KIRREL3: variants seen among roughly 807,000 people sequenced by gnomAD.
The protein encoded by KIRREL3 is kin of IRRE-like protein 3.
A neutral mutation model predicts 89.7 loss-of-function variants in KIRREL3; 36 were observed. That is an observed-to-expected ratio of 0.40 (90% confidence interval 0.31 to 0.53). The LOEUF is 0.53. Ranked by LOEUF, KIRREL3 falls within the 20% of genes least tolerant of loss-of-function variation. The pLI is 0.49. For missense variants in KIRREL3, 864 were observed against 1,056.6 expected (o/e 0.82, Z 2.53); for synonymous variants, 445 against 441.4 (o/e 1.01, Z -0.10).
At chr11:126,743,920 T>G (rs893344231) in intron 1 of KIRREL3, among the ~76,000 whole-genome samples, 1 of 152,208 alleles carries the variant, frequency 6.6e-6, no homozygotes, top group African/African-American at 2.4e-5. Context: ...GCATGTACAG[T>G]GTATACGTTT....
intron 1 of KIRREL3, among the ~76,000 whole-genome samples, chr11:126,745,459 AAAACAAAC>A (rs67307715): frequency 5.0e-5 from 7 of 138,904 alleles, no homozygotes; most frequent in South Asian, 2.3e-4. Flanking sequence ...ATCAAGATGG[AAAACAAAC>A]AAACAAACAA....
chr11:126,921,239 T>C (rs933881807), intron 1 of KIRREL3, among the ~76,000 whole-genome samples: 46 of 152,290 alleles, frequency 3.0e-4, no homozygotes, highest in African/African-American at 1.1e-3. Context: ...AGTTACACCA[T>C]TGGCTTCCCT....
rs34526435 is a variant in KIRREL3 at position 126,785,872 on chromosome 11, CAAAAAAAAAAAAAAAAAA to C, written c.55+214565_55+214582del. Reference sequence around the variant, plus strand: ...CTGGTGACACAGCGAGACTCCGTCTCAAAAAAAAAAAAAAAAAAAAAAAAAAAAAAGCCTACAGAATAC... The same window carrying C: ...CTGGTGACACAGCGAGACTCCGTCTCAAAAAAAAAAAAGCCTACAGAATAC... On this transcript the variant is annotated intron_variant, in intron 1 of 16. Coordinates refer to ENST00000525144, the MANE Select transcript of KIRREL3 (RefSeq NM_032531.4). Among the ~76,000 whole-genome samples the C allele has an allele frequency of 1.3e-4, 5 of 37,788 alleles. 1 individual carries two copies. Among genetic ancestry groups the C allele is most frequent in the Non-Finnish European group, 2.2e-4 (5 of 22,354 alleles). The allele number at this position is 37,788 out of a possible 152,430, so 24.8% of individuals were successfully genotyped here. A position where few individuals can be genotyped will look rare whatever the true frequency, so the allele number is the denominator to read the frequency against.
intron 1 of KIRREL3, among the ~76,000 whole-genome samples, chr11:126,599,066 T>C (rs1348029758): frequency 6.6e-6 from 1 of 152,176 alleles, no homozygotes; most frequent in East Asian, 1.9e-4. Flanking sequence ...ACACAATAGC[T>C]TTTCCTGGCT....
chr11:126,942,867 A>C (rs1948500440), intron 1 of KIRREL3, among the ~76,000 whole-genome samples: 1 of 152,144 alleles, frequency 6.6e-6, no homozygotes, highest in African/African-American at 2.4e-5. Context: ...CTCTCTGAGA[A>C]CCTCAAAACC....
At chr11:126,894,391 A>G (rs1156411944) in intron 1 of KIRREL3, among the ~76,000 whole-genome samples, 1 of 151,776 alleles carries the variant, frequency 6.6e-6, no homozygotes, top group Non-Finnish European at 1.5e-5. Context: ...TAGGCAGCAA[A>G]TGCTTTGAGT....
At chr11:126,440,021 A>G (rs929720398) in intron 11 of KIRREL3, among the ~76,000 whole-genome samples, 4 of 152,080 alleles carry the variant, frequency 2.6e-5, no homozygotes, top group Non-Finnish European at 5.9e-5. Context: ...CATGGACAGT[A>G]AAGGCCACAG....
chr11:126,451,097 CCATGTG>C (rs1565463599), intron 7 of KIRREL3, among the ~76,000 whole-genome samples: 1 of 104,236 alleles, frequency 9.6e-6, no homozygotes, highest in East Asian at 3.3e-4. Context: ...GCATATGTGT[CCATGTG>C]CATGTGTGCA....
intron 1 of KIRREL3, among the ~76,000 whole-genome samples, chr11:126,654,602 C>A (rs902700786): frequency 5.3e-5 from 8 of 152,024 alleles, no homozygotes; most frequent in African/African-American, 1.9e-4. Flanking sequence ...CACCCCAGAG[C>A]ACAGTAACCC....
chr11:126,759,408 A>G (rs1361588850), intron 1 of KIRREL3, among the ~76,000 whole-genome samples: 1 of 152,234 alleles, frequency 6.6e-6, no homozygotes, highest in Non-Finnish European at 1.5e-5. Context: ...GATTACAGGC[A>G]TAAGCCACTG....
intron 1 of KIRREL3, among the ~76,000 whole-genome samples, chr11:126,638,354 T>A (rs1051973794): frequency 1.3e-5 from 2 of 152,216 alleles, no homozygotes; most frequent in African/African-American, 4.8e-5. Flanking sequence ...AAAAACGTAC[T>A]TGTCTGTCCT....
At chr11:126,925,840 G>A (rs910291911) in intron 1 of KIRREL3, among the ~76,000 whole-genome samples, 26 of 152,160 alleles carry the variant, frequency 1.7e-4, no homozygotes, top group Non-Finnish European at 3.2e-4. Context: ...TCCTGCCACC[G>A]CATGTCCCCA....
At position 126,610,288 on chromosome 11, in the gene KIRREL3, C is replaced by T. The variant is rs1028989254; in HGVS notation, c.56-47376G>A. On this transcript the variant is annotated intron_variant, in intron 1 of 16. Coordinates refer to ENST00000525144, the MANE Select transcript of KIRREL3 (RefSeq NM_032531.4). This position sits in a 1 kb window ranked among gnomAD's most constrained non-coding sequence, Gnocchi z 4.6. ...GTATTTTTAATAGAGATGGGGGTTT[C>T]GGCATGTTCGTCAGGCTGGTCTTGA... Among the ~76,000 whole-genome samples, 3 of 152,056 alleles carry T rather than the reference C, an allele frequency of 2.0e-5. No individual in the cohort carries two copies. The highest frequency in any genetic ancestry group is 7.2e-5 in the African/African-American group (3 of 41,400).
At position 126,709,785 on chromosome 11, in the gene KIRREL3, CA is replaced by C. The variant is rs1947685204; in HGVS notation, c.56-146874del. Among the ~76,000 whole-genome samples, 1 of 152,112 alleles carries C rather than the reference CA, an allele frequency of 6.6e-6. No homozygotes were observed. The highest frequency in any genetic ancestry group is 2.1e-4 in the South Asian group (1 of 4,822). On this transcript the variant is annotated intron_variant, in intron 1 of 16. Transcript: ENST00000525144. The surrounding 1 kb of genome is among the most constrained non-coding windows in gnomAD (Gnocchi z 4.0). Reference sequence around the variant, plus strand: ...GAAAATAAGTTTCTGTTGTTTAAGCCACAAGATCGTGGTATTTTGTTACAGC... The same window carrying C: ...GAAAATAAGTTTCTGTTGTTTAAGCCCAAGATCGTGGTATTTTGTTACAGC...
intron 1 of KIRREL3, among the ~76,000 whole-genome samples, chr11:126,680,285 C>CA (rs138173347): frequency 0.013 from 2,026 of 152,114 alleles, 51 homozygotes; most frequent in African/African-American, 0.047. Context: ...AGTGAAAAGG[C>CA]AAAAAATAGG....
chr11:126,463,089 G>A lies in KIRREL3; in HGVS notation c.742+68C>T. 1 of 1,508,252 alleles carries A rather than the reference G, an allele frequency of 6.6e-7. No homozygotes were observed. The highest frequency in any genetic ancestry group is 9.1e-7 in the Non-Finnish European group (1 of 1,097,642). The allele number at this position is 1,508,252 out of a possible 1,614,324, so 93.4% of individuals were successfully genotyped here. A position where few individuals can be genotyped will look rare whatever the true frequency, so the allele number is the denominator to read the frequency against. On this transcript the variant is annotated intron_variant, in intron 6 of 16. Coordinates refer to ENST00000525144, the MANE Select transcript of KIRREL3 (RefSeq NM_032531.4). The surrounding 1 kb of genome is among the most constrained non-coding windows in gnomAD (Gnocchi z 5.9). ...CTGCTATCAGATGGGCCAGGCTATG[G>A]TCAGGGTTGCTGGGTGTTTCACCCT...
chr11:126,498,266 A>G lies in KIRREL3; in HGVS notation c.433+23049T>C, dbSNP rs1049638441. Among the ~76,000 whole-genome samples the G allele has an allele frequency of 1.3e-5, 2 of 152,218 alleles. No individual in the cohort carries two copies. Among genetic ancestry groups the G allele is most frequent in the African/African-American group, 4.8e-5 (2 of 41,458 alleles). ...TCCCCCAAAATGATGTCATCAGCTA[A>G]GACAAAAAGAAAAAGAAAACGCCCA... is the stretch of plus-strand genomic sequence containing the variant. On this transcript the variant is annotated intron_variant, in intron 4 of 16. Coordinates refer to ENST00000525144, the MANE Select transcript of KIRREL3 (RefSeq NM_032531.4). The surrounding 1 kb of genome is among the most constrained non-coding windows in gnomAD (Gnocchi z 4.3).
intron 1 of KIRREL3, among the ~76,000 whole-genome samples, chr11:126,809,661 A>G (rs529064598): frequency 7.2e-5 from 11 of 152,352 alleles, no homozygotes; most frequent in Admixed American, 1.3e-4. Flanking sequence ...GAGGACTCAC[A>G]GAAGTCACTA....
At position 126,490,095 on chromosome 11, in the gene KIRREL3, A is replaced by C. The variant is rs1167244881; in HGVS notation, c.434-16629T>G. The stretch of plus-strand genomic sequence containing the variant: ...AATGTTTTGGATGTGCCTTAAAGTC[A>C]CAGTTAGCTCCCATGATGGGCATTC... On this transcript the variant is annotated intron_variant, in intron 4 of 16. Coordinates refer to ENST00000525144, the MANE Select transcript of KIRREL3 (RefSeq NM_032531.4). This position sits in a 1 kb window ranked among gnomAD's most constrained non-coding sequence, Gnocchi z 4.2. 6.6e-6 allele frequency among the ~76,000 whole-genome samples: 1 copy of C among 152,094 alleles called. No individual in the cohort carries two copies. Among genetic ancestry groups the C allele is most frequent in the East Asian group, 1.9e-4 (1 of 5,190 alleles).
Sources: gnomAD v4.1 joint callset for allele counts (sites outside exome capture counted in the v4.1 genomes callset) on GRCh38, gnomAD v4.1.1 for gene constraint, Gnocchi (gnomAD v3.1) non-coding constraint, MANE v1.5 for transcripts, NCBI Gene and HGNC (gene_info 2026-07-23, HGNC 2026-07-21) for gene names.